PCDHA8: variants seen among roughly 807,000 people sequenced by gnomAD.
PCDHA8 encodes the protein protocadherin alpha 8, also known as protocadherin alpha-8.
Under a neutral mutation model 61.8 loss-of-function variants are expected in PCDHA8, and 53 were observed. The ratio of observed to expected loss-of-function variants is 0.86; its 90% CI spans 0.69 to 1.08. The LOEUF is 1.08. Among genes scored for constraint, PCDHA8 ranks in the 50% least tolerant of loss-of-function variants. The probability of loss-of-function intolerance (pLI) is 0.00; values close to 1 mark genes in which losing one functional copy is unlikely to be tolerated. For synonymous variants in PCDHA8, 618 were observed against 556.6 expected, an observed-to-expected ratio of 1.11 and a Z score of -1.55; for missense variants, 1,293 against 1,245.0, an observed-to-expected ratio of 1.04 and a Z score of -0.58.
intron 1 of PCDHA8, chr5:140,849,169 C>A: frequency 1.8e-6 from 2 of 1,130,206 alleles, no homozygotes; most frequent in Non-Finnish European, 2.5e-6. Context: ...CTGACTGGCA[C>A]CGTTCAATTA....
intron 1 of PCDHA8, chr5:140,848,428 C>G: frequency 6.9e-7 from 1 of 1,450,064 alleles, no homozygotes; most frequent in Middle Eastern, 1.8e-4. Flanking sequence ...ATGGGACTGA[C>G]GAAATCAGAT....
rs530240100 is a variant in PCDHA8 at position 140,875,788 on chromosome 5, C to T, written c.2394+32073C>T. 5 of 1,614,194 alleles carry T rather than the reference C, an allele frequency of 3.1e-6. No individual in the cohort carries two copies. In the Admixed American group the frequency reaches 5.0e-5, roughly 16 times the overall value. The stretch of plus-strand genomic sequence containing the variant: ...GCGGAGCGCGGAGTGCAGTATCCAC[C>T]TGGAGGTGATCGTGGACAGGCCGCT... On this transcript the variant is annotated intron_variant, in intron 1 of 3. Coordinates refer to ENST00000531613, the MANE Select transcript of PCDHA8 (RefSeq NM_018911.3).
intron 3 of PCDHA8, among the ~76,000 whole-genome samples, chr5:140,982,861 G>A (rs1356683030): frequency 1.3e-5 from 2 of 152,110 alleles, no homozygotes; most frequent in African/African-American, 4.8e-5. Flanking sequence ...CCTTTCAAAT[G>A]CTTAGGTCAT....
intron 1 of PCDHA8, among the ~76,000 whole-genome samples, chr5:140,923,770 G>C (rs1554201580): frequency 6.6e-6 from 1 of 152,152 alleles, no homozygotes; most frequent in East Asian, 1.9e-4. Context: ...AATCCTACTG[G>C]GTGGATGGTT....
chr5:140,943,719 T>C (rs1198620937), intron 1 of PCDHA8, among the ~76,000 whole-genome samples: 2 of 152,126 alleles, frequency 1.3e-5, no homozygotes, highest in Non-Finnish European at 2.9e-5. Context: ...TTTAAAGGTC[T>C]GAGAGAATGA....
At chr5:140,847,270 T>A (rs1780933593) in intron 1 of PCDHA8, among the ~76,000 whole-genome samples, 1 of 149,770 alleles carries the variant, frequency 6.7e-6, no homozygotes, top group African/African-American at 2.4e-5. Context: ...TGAAAGAAGG[T>A]TGAACGGGAA....
intron 1 of PCDHA8, among the ~76,000 whole-genome samples, chr5:140,916,590 G>A (rs1022726274): frequency 2.0e-5 from 3 of 152,182 alleles, no homozygotes; most frequent in Non-Finnish European, 4.4e-5. Flanking sequence ...CCATGAGCTA[G>A]GGCCTGGAAT....
rs1252148937 is a variant in PCDHA8 at position 141,009,582 on chromosome 5, G to T, written c.2543-45G>T. On this transcript the variant is annotated intron_variant, in intron 3 of 3. Coordinates refer to ENST00000531613, the MANE Select transcript of PCDHA8 (RefSeq NM_018911.3). ...CTCTACCAGCAGTGTGGCATCAAGA[G>T]CATGTGTTGACCCTGTTAATGATTT... 16 of 1,590,108 alleles carry T rather than the reference G, an allele frequency of 1.0e-5. No homozygotes were observed. In the African/African-American group the frequency reaches 2.0e-4, roughly 20 times the overall value.
At chr5:140,861,641 G>T (rs193008750) in intron 1 of PCDHA8, 38 of 298,444 alleles carry the variant, frequency 1.3e-4, no homozygotes, top group Admixed American at 1.2e-3. Flanking sequence ...CAACACAAAA[G>T]AATCTGTTTC....
At chr5:140,927,094 G>C (rs555838945) in intron 1 of PCDHA8, 4 of 1,612,890 alleles carry the variant, frequency 2.5e-6, no homozygotes. Context: ...CTACTTCGGG[G>C]TGGATCTACC....
chr5:140,883,093 A>T (rs1035461317), intron 1 of PCDHA8: 1 of 1,614,146 alleles, frequency 6.2e-7, no homozygotes, highest in Non-Finnish European at 8.5e-7. Flanking sequence ...GTACAAATGG[A>T]GATATAGTTT....
chr5:140,861,442 G>T (rs251368), intron 1 of PCDHA8: 232,262 of 488,424 alleles, frequency 0.48, 56,771 homozygotes, highest in South Asian at 0.56. Context: ...TCCAAAAGCC[G>T]CAGAAACCTT....
rs2150425951 is a variant in PCDHA8 at position 140,848,946 on chromosome 5, C to A, written c.2394+5231C>A. The A allele has an allele frequency of 3.1e-6, 5 of 1,607,242 alleles. No individual in the cohort carries two copies. In the South Asian group the frequency reaches 5.5e-5, roughly 18 times the overall value. ...CGCGGAATCCAGGCCGCTTGACTCT[C>A]GGTTTCCACTAGAGGGCGCGTCCGA... On this transcript the variant is annotated intron_variant, in intron 1 of 3. Transcript: ENST00000531613.
chr5:140,906,192 C>G (rs2072444836), intron 1 of PCDHA8, among the ~76,000 whole-genome samples: 1 of 152,182 alleles, frequency 6.6e-6, no homozygotes, highest in Non-Finnish European at 1.5e-5. Context: ...TCAATCCAAT[C>G]AAGTTGACAC....
chr5:140,850,776 G>A (rs2150497794), intron 1 of PCDHA8: 1 of 1,598,166 alleles, frequency 6.3e-7, no homozygotes, highest in South Asian at 1.1e-5. Context: ...GGTGTGCTCT[G>A]GCGAGGGTAA....
chr5:140,923,306 C>T (rs572766829), intron 1 of PCDHA8, among the ~76,000 whole-genome samples: 1 of 152,098 alleles, frequency 6.6e-6, no homozygotes, highest in East Asian at 1.9e-4. Flanking sequence ...GGCGTGGGGG[C>T]GCTTGGCCTA....
chr5:140,871,401 G>A (rs1400127439), intron 1 of PCDHA8: 4 of 1,614,086 alleles, frequency 2.5e-6, no homozygotes, highest in South Asian at 1.1e-5. Flanking sequence ...CACCTAAGAC[G>A]GACCTCATGG....
chr5:140,935,108 A>G (rs1181696268), intron 1 of PCDHA8, among the ~76,000 whole-genome samples: 3 of 152,148 alleles, frequency 2.0e-5, no homozygotes, highest in Non-Finnish European at 4.4e-5. Context: ...TTTTTCAAAG[A>G]GCTTTCACTT....
intron 1 of PCDHA8, chr5:140,862,713 C>CG (rs2153223672): frequency 1.8e-6 from 1 of 561,970 alleles, no homozygotes; most frequent in East Asian, 4.9e-5. Flanking sequence ...AGCGGGTGGG[C>CG]GAGTGCGCGC....
Sources: allele counts gnomAD v4.1 joint callset (sites outside exome capture counted in the v4.1 genomes callset), GRCh38; gene constraint gnomAD v4.1.1; transcripts MANE v1.5; gene names NCBI Gene and HGNC (gene_info 2026-07-23, HGNC 2026-07-21).